Variants in ZNF548 observed in about 807,000 individuals in gnomAD.
ZNF548 encodes zinc finger protein 548.
A neutral mutation model predicts 10.2 loss-of-function variants in ZNF548; 10 were observed. That is an observed-to-expected ratio of 0.98 (90% confidence interval 0.60 to 1.66). ZNF548 has a LOEUF of 1.66. Ranked by LOEUF, ZNF548 falls within the 40% of genes most tolerant of loss-of-function variation. The pLI is 0.00. For synonymous variants in ZNF548, 217 were observed against 223.5 expected, an observed-to-expected ratio of 0.97 and a Z score of 0.26; for missense variants, 599 against 657.0, an observed-to-expected ratio of 0.91 and a Z score of 0.97.
At position 57,399,763 on chromosome 19, in the gene ZNF548, G is replaced by T; in HGVS notation, c.1512G>T (p.Leu504=). 6.2e-7 allele frequency: 1 copy of T among 1,614,024 alleles called. No homozygotes were observed. The highest frequency in any genetic ancestry group is 8.5e-7 in the Non-Finnish European group (1 of 1,179,978). Reference sequence around the variant, plus strand: ...AGGCCTTTATTAGAAAGTCTCACCTGGTTCATCACCAGAAAATCCACAGTG... The same window carrying T: ...AGGCCTTTATTAGAAAGTCTCACCTTGTTCATCACCAGAAAATCCACAGTG... ...CQKAFIRKSH[L]VHHQKIHSEE... Residue 504 remains leucine (L), a synonymous_variant, in exon 4 of 4, where the codon CTG becomes CTT. Transcript: ENST00000336128. The surrounding 1 kb of genome is among the most constrained non-coding windows in gnomAD (Gnocchi z 4.0).
chr19:57,391,322 G>A (rs915171152), intron 1 of ZNF548, among the ~76,000 whole-genome samples: 3 of 148,648 alleles, frequency 2.0e-5, no homozygotes, highest in African/African-American at 7.4e-5. Context: ...GTGGCCTAGT[G>A]GTATTACCTT....
intron 1 of ZNF548, among the ~76,000 whole-genome samples, chr19:57,391,745 A>G (rs1600084494): frequency 7.3e-6 from 1 of 137,912 alleles, no homozygotes; most frequent in Admixed American, 7.2e-5. Flanking sequence ...CCTGCTTGCG[A>G]TTTATGTGTC....
chr19:57,395,701 C>T lies in ZNF548; in HGVS notation c.52-1347C>T, dbSNP rs1006020273. Among the ~76,000 whole-genome samples the T allele has an allele frequency of 1.3e-5, 2 of 152,226 alleles. No individual in the cohort carries two copies. The highest frequency in any genetic ancestry group is 2.4e-5 in the African/African-American group (1 of 41,540). On this transcript the variant is annotated intron_variant, in intron 2 of 3. Coordinates refer to ENST00000336128, the MANE Select transcript of ZNF548 (RefSeq NM_001172773.2). This position sits in a 1 kb window ranked among gnomAD's most constrained non-coding sequence, Gnocchi z 4.8. ...ATCCCACCAGGTCCCTCCCCTGACA[C>T]GTGGGGATTACAATTTGACATGAGA...
chr19:57,401,708 T>G lies in ZNF548; in HGVS notation c.*1819T>G, dbSNP rs534453548. 5 of 152,232 alleles carry G rather than the reference T, an allele frequency of 3.3e-5. No homozygotes were observed. The South Asian group carries it at 1.0e-3, about 32-fold the overall frequency. The allele number at this position is 152,232 out of a possible 1,614,324, so 9.4% of individuals were successfully genotyped here. A position where few individuals can be genotyped will look rare whatever the true frequency, so the allele number is the denominator to read the frequency against. ...TTTCCCTATGCTTTATTCTAAGAATTTTATATTTGAAGGTCTTACATTTAG... is the reference window on the plus strand; with the variant it reads ...TTTCCCTATGCTTTATTCTAAGAATGTTATATTTGAAGGTCTTACATTTAG... On this transcript the variant is annotated 3_prime_UTR_variant, in exon 4 of 4. Coordinates refer to ENST00000336128, the MANE Select transcript of ZNF548 (RefSeq NM_001172773.2).
At position 57,395,492 on chromosome 19, in the gene ZNF548, G is replaced by A. The variant is rs1441797667; in HGVS notation, c.51+1269G>A. On this transcript the variant is annotated intron_variant, in intron 2 of 3. Transcript: ENST00000336128. This position sits in a 1 kb window ranked among gnomAD's most constrained non-coding sequence, Gnocchi z 4.8. ...GGCTTAACAGGAAGCATAACTGGGA[G>A]GCCTCAGGAAACACAATCCTGGCGG... Among the ~76,000 whole-genome samples the A allele has an allele frequency of 6.6e-6, 1 of 152,136 alleles. No homozygotes were observed. The highest frequency in any genetic ancestry group is 1.5e-5 in the Non-Finnish European group (1 of 68,030).
chr19:57,399,293 C>T lies in ZNF548; in HGVS notation c.1042C>T (p.Pro348Ser), dbSNP rs2088694008. Residue 348 changes from proline to serine, a missense_variant, in exon 4 of 4, where the codon CCT becomes TCT. Transcript: ENST00000336128. This position sits in a 1 kb window ranked among gnomAD's most constrained non-coding sequence, Gnocchi z 4.0. Reference sequence around the variant, plus strand: ...TCAGAGAGTTCACACCGGAGAAAGACCTTATAAGTGCAATGATTGTGGGAA... The same window carrying T: ...TCAGAGAGTTCACACCGGAGAAAGATCTTATAAGTGCAATGATTGTGGGAA... ...KHQRVHTGER[P>S]YKCNDCGKFF... 4 of 1,613,622 alleles carry T rather than the reference C, an allele frequency of 2.5e-6. No homozygotes were observed. Among genetic ancestry groups the T allele is most frequent in the South Asian group, 1.1e-5 (1 of 91,062 alleles).
In ZNF548 at chr19:57,393,421, G is replaced by A. The variant is rs377323482; in HGVS notation, c.16-767G>A. On this transcript the variant is annotated intron_variant, in intron 1 of 3. Transcript: ENST00000336128. ...CACACCTGTAATCCCAGCACTTTGGGAGGCCGAGGTGGGTGGATCACCTGT... is the reference window on the plus strand; with the variant it reads ...CACACCTGTAATCCCAGCACTTTGGAAGGCCGAGGTGGGTGGATCACCTGT... 2.8e-3 allele frequency among the ~76,000 whole-genome samples: 431 copies of A among 152,074 alleles called. 2 individuals are homozygous for A. The highest frequency in any genetic ancestry group is 9.8e-3 in the African/African-American group (405 of 41,496).
At chr19:57,393,829 A>G (rs1363908849) in intron 1 of ZNF548, among the ~76,000 whole-genome samples, 1 of 152,004 alleles carries the variant, frequency 6.6e-6, no homozygotes, top group Non-Finnish European at 1.5e-5. Context: ...TAAGCTAAAA[A>G]CATACATGAA....
chr19:57,394,680 T>G (rs941637934), intron 2 of ZNF548, among the ~76,000 whole-genome samples: 1 of 152,130 alleles, frequency 6.6e-6, no homozygotes, highest in Admixed American at 6.5e-5. Context: ...TTTCTTTGGC[T>G]TCTGAGTGGA....
chr19:57,392,154 G>T (rs1398051198), intron 1 of ZNF548, among the ~76,000 whole-genome samples: 1 of 151,988 alleles, frequency 6.6e-6, no homozygotes, highest in African/African-American at 2.4e-5. Context: ...TGTTTTGTTT[G>T]TTTGTTGTTG....
chr19:57,394,449 A>G (rs925822035), intron 2 of ZNF548, among the ~76,000 whole-genome samples: 4 of 152,174 alleles, frequency 2.6e-5, no homozygotes, highest in African/African-American at 9.7e-5. Context: ...AGGATTCAGA[A>G]TGTTTCAATG....
At position 57,389,882 on chromosome 19, in the gene ZNF548, T is replaced by C. The variant is rs2123034500; in HGVS notation, c.-218T>C. ...ACTTCCGCCGTCCTCCTGGTGGTGG[T>C]CGTTTTGGTTCTGTGTGGTGTTTCA... On this transcript the variant is annotated 5_prime_UTR_variant, in exon 1 of 4. Coordinates refer to ENST00000336128, the MANE Select transcript of ZNF548 (RefSeq NM_001172773.2). The C allele has an allele frequency of 6.1e-6, 3 of 492,504 alleles. No individual in the cohort carries two copies. The highest frequency in any genetic ancestry group is 1.1e-5 in the Non-Finnish European group (3 of 280,070). The allele number at this position is 492,504 out of a possible 1,614,324, so 30.5% of individuals were successfully genotyped here.
intron 3 of ZNF548, 162 bp from the exon 4 acceptor site, chr19:57,398,268 G>T (rs2088681394): frequency 3.6e-6 from 5 of 1,408,414 alleles, no homozygotes; most frequent in Non-Finnish European, 4.8e-6. Flanking sequence ...GCCTTGCCAG[G>T]CCCAGCCCTG....
chr19:57,390,250 T>A, intron 1 of ZNF548, 136 bp downstream of exon 1: 1 of 982,414 alleles, frequency 1.0e-6, no homozygotes, highest in East Asian at 2.6e-5. Flanking sequence ...TCAGCCGATT[T>A]GATGCAGCCT....
intron 3 of ZNF548, among the ~76,000 whole-genome samples, chr19:57,397,708 G>T (rs1224789185): frequency 6.6e-6 from 1 of 152,114 alleles, no homozygotes; most frequent in Non-Finnish European, 1.5e-5. Flanking sequence ...CCTAGAGAGG[G>T]CCCCAGGCAC....
chr19:57,391,570 C>T (rs905093598), intron 1 of ZNF548, among the ~76,000 whole-genome samples: 7 of 152,064 alleles, frequency 4.6e-5, no homozygotes, highest in African/African-American at 1.5e-4. Context: ...TACTTATTTA[C>T]ATTCTCACCA....
rs761159174 is a variant in ZNF548, at chr19:57,399,584, A to G, written c.1333A>G (p.Asn445Asp). Residue 445 changes from asparagine (N) to aspartate (D), a missense_variant, in exon 4 of 4, where the codon AAC (asparagine) becomes GAC (aspartate). Transcript: ENST00000336128. This position sits in a 1 kb window ranked among gnomAD's most constrained non-coding sequence, Gnocchi z 4.0. Reference sequence around the variant, plus strand: ...CGAATGCGGGAAATTCTTTCGTTACAACTCCAACCTCATTAAACATTGGAG... The same window carrying G: ...CGAATGCGGGAAATTCTTTCGTTACGACTCCAACCTCATTAAACATTGGAG... ...CSECGKFFRY[N>D]SNLIKHWRNH... The G allele has an allele frequency of 1.2e-6, 2 of 1,614,202 alleles. No individual in the cohort carries two copies. The highest frequency in any genetic ancestry group is 8.5e-7 in the Non-Finnish European group (1 of 1,180,040).
Position 57,399,676 on chromosome 19 carries a change from A to G in ZNF548, c.1425A>G (p.Ile475Met), listed in dbSNP as rs1342734151. ...GGAAAGCCTTTAGCCACAAGCATAT[A>G]CTTGTTGAGCACCAGAAAATCCACA... ...ECGKAFSHKH[I>M]LVEHQKIHSG... Residue 475 changes from isoleucine to methionine, a missense_variant, in exon 4 of 4, where the codon ATA (isoleucine) becomes ATG (methionine). Transcript: ENST00000336128. The surrounding 1 kb of genome is among the most constrained non-coding windows in gnomAD (Gnocchi z 4.0). 10 of 1,613,990 alleles carry G rather than the reference A, an allele frequency of 6.2e-6. No individual in the cohort carries two copies. In the East Asian group the frequency reaches 1.8e-4, roughly 29 times the overall value.
Position 57,390,084 on chromosome 19 carries a change from G to C in ZNF548, c.-16G>C, listed in dbSNP as rs1471259489. The C allele has an allele frequency of 6.2e-7, 1 of 1,609,084 alleles. No individual in the cohort carries two copies. Among genetic ancestry groups the C allele is most frequent in the Non-Finnish European group, 8.5e-7 (1 of 1,179,374 alleles). ...CGCCCCGCTCTTCCCTGGCTGGGCT[G>C]GCGGAGGCCTTGCTGATGAACCTGA... On this transcript the variant is annotated 5_prime_UTR_variant, in exon 1 of 4. Transcript: ENST00000336128.
Sources: gnomAD v4.1 joint callset for allele counts (sites outside exome capture counted in the v4.1 genomes callset) on GRCh38, gnomAD v4.1.1 for gene constraint, Gnocchi (gnomAD v3.1) non-coding constraint, MANE v1.5 for transcripts, NCBI Gene and HGNC (gene_info 2026-07-23, HGNC 2026-07-21) for gene names.